The following TUSC3 variants were observed in gnomAD, a reference collection of about 807,000 sequenced individuals.
TUSC3 encodes the protein dolichyl-diphosphooligosaccharide--protein glycosyltransferase subunit TUSC3.
A neutral mutation model predicts 44.8 loss-of-function variants in TUSC3; 45 were observed. That is an observed-to-expected ratio of 1.00 (90% CI 0.79 to 1.29). TUSC3 has a LOEUF of 1.29. TUSC3 is among the 50% of genes most tolerant of loss of function. The pLI, the probability that TUSC3 is intolerant of heterozygous loss-of-function variation, is 0.00. For missense variants in TUSC3, 519 were observed against 437.9 expected (o/e 1.19, Z -1.65); for synonymous variants, 212 against 152.9 (o/e 1.39, Z -2.85).
chr8:15,421,660 G>T (rs747938122), intron 1 of TUSC3, among the ~76,000 whole-genome samples: 1 of 152,046 alleles, frequency 6.6e-6, no homozygotes, highest in Non-Finnish European at 1.5e-5. Context: ...CCACTAATGG[G>T]ACAGTGGGAA....
At chr8:15,432,799 C>G (rs1799887437) in intron 1 of TUSC3, among the ~76,000 whole-genome samples, 2 of 151,618 alleles carry the variant, frequency 1.3e-5, no homozygotes, top group African/African-American at 2.4e-5. Flanking sequence ...GGTTAAAGTT[C>G]TGTTTTTTGC....
At chr8:15,694,850 G>A (rs1209844887) in intron 6 of TUSC3, among the ~76,000 whole-genome samples, 1 of 152,168 alleles carries the variant, frequency 6.6e-6, no homozygotes, top group Non-Finnish European at 1.5e-5. Context: ...AGTGGTGTCA[G>A]CCAAAATGCT....
chr8:15,740,088 T>G (rs1811125856), intron 7 of TUSC3, among the ~76,000 whole-genome samples: 1 of 152,102 alleles, frequency 6.6e-6, no homozygotes, highest in Non-Finnish European at 1.5e-5. Context: ...AAAACAATTT[T>G]ATAATAAAAA....
intron 1 of TUSC3, among the ~76,000 whole-genome samples, chr8:15,476,701 G>A (rs1369613818): frequency 1.3e-5 from 2 of 152,158 alleles, no homozygotes; most frequent in African/African-American, 4.8e-5. Flanking sequence ...CCCTCCACAG[G>A]GTGGGAGCAG....
intron 1 of TUSC3, among the ~76,000 whole-genome samples, chr8:15,478,452 A>T (rs537118986): frequency 6.6e-6 from 1 of 152,176 alleles, no homozygotes; most frequent in East Asian, 1.9e-4. Context: ...AAGAGGCCCC[A>T]ATGTGTGTTG....
chr8:15,725,145 A>AT (rs1180185460), intron 6 of TUSC3, among the ~76,000 whole-genome samples: 8 of 151,986 alleles, frequency 5.3e-5, no homozygotes, highest in African/African-American at 1.2e-4. Flanking sequence ...AGCATTTTTA[A>AT]TTTTTTTTAG....
At chr8:15,594,280 T>C (rs1803977027) in intron 1 of TUSC3, among the ~76,000 whole-genome samples, 1 of 152,246 alleles carries the variant, frequency 6.6e-6, no homozygotes, top group Admixed American at 6.5e-5. Flanking sequence ...TTTGGCTCTT[T>C]TTTATATCTG....
At chr8:15,549,274 A>C (rs1363252641) in intron 1 of TUSC3, among the ~76,000 whole-genome samples, 2 of 151,680 alleles carry the variant, frequency 1.3e-5, no homozygotes, top group African/African-American at 4.8e-5. Flanking sequence ...CCCGGATTCA[A>C]GTGATTCTCC....
chr8:15,584,417 C>G (rs62504231), intron 1 of TUSC3, among the ~76,000 whole-genome samples: 3 of 152,060 alleles, frequency 2.0e-5, no homozygotes, highest in East Asian at 1.9e-4. Context: ...GGTCATTGAT[C>G]ATGCATTAAA....
intron 3 of TUSC3, among the ~76,000 whole-genome samples, chr8:15,656,536 C>A (rs752058871): frequency 6.6e-6 from 1 of 152,140 alleles, no homozygotes; most frequent in East Asian, 1.9e-4. Flanking sequence ...ATTCCACGTC[C>A]CATCATCTGG....
chr8:15,600,162 T>G (rs1209249296), intron 1 of TUSC3, among the ~76,000 whole-genome samples: 2 of 151,794 alleles, frequency 1.3e-5, no homozygotes, highest in African/African-American at 4.8e-5. Context: ...TTATAAGCAT[T>G]TGTTTGTCCT....
chr8:15,681,100 C>T (rs745794865), intron 6 of TUSC3, among the ~76,000 whole-genome samples: 3 of 148,036 alleles, frequency 2.0e-5, no homozygotes, highest in Admixed American at 6.7e-5. Flanking sequence ...CTACATAGAA[C>T]GTGTTAGGGA....
intron 1 of TUSC3, among the ~76,000 whole-genome samples, chr8:15,475,356 C>G (rs1306378222): frequency 6.6e-6 from 1 of 152,152 alleles, no homozygotes; most frequent in Non-Finnish European, 1.5e-5. Context: ...TCCCTATCCC[C>G]TTTGTGTGAT....
chr8:15,543,065 A>C (rs1429087), intron 1 of TUSC3, among the ~76,000 whole-genome samples: 43,259 of 152,058 alleles, frequency 0.28, 6,870 homozygotes, highest in Admixed American at 0.36. Context: ...GAAACACGCT[A>C]TATTGGAAAG....
At chr8:15,665,224 G>C (rs1212394802) in intron 5 of TUSC3, among the ~76,000 whole-genome samples, 1 of 151,464 alleles carries the variant, frequency 6.6e-6, no homozygotes, top group East Asian at 1.9e-4. Flanking sequence ...AAACAGTAAT[G>C]AACCTTGTAA....
At chr8:15,671,406 T>C (rs1231257019) in intron 5 of TUSC3, among the ~76,000 whole-genome samples, 2 of 152,060 alleles carry the variant, frequency 1.3e-5, no homozygotes, top group Non-Finnish European at 2.9e-5. Flanking sequence ...ATATCAGTTG[T>C]TAACAACCAA....
At chr8:15,486,150 G>C (rs73534282) in intron 2 of TUSC3, among the ~76,000 whole-genome samples, 8,099 of 152,176 alleles carry the variant, frequency 0.053, 703 homozygotes, top group African/African-American at 0.18. Context: ...ATTAGCTACA[G>C]ACTTTGAAAG....
chr8:15,643,977 G>A (rs917690996), intron 2 of TUSC3, among the ~76,000 whole-genome samples: 2 of 152,104 alleles, frequency 1.3e-5, no homozygotes, highest in African/African-American at 4.8e-5. Flanking sequence ...ACATACAATG[G>A]TATTTTCATA....
intron 1 of TUSC3, among the ~76,000 whole-genome samples, chr8:15,431,397 C>A (rs1359943430): frequency 2.0e-5 from 3 of 151,554 alleles, no homozygotes; most frequent in Non-Finnish European, 4.4e-5. Context: ...AGTCTCACTT[C>A]CGTGTTTAAA....
Sources: allele counts gnomAD v4.1 joint callset (sites outside exome capture counted in the v4.1 genomes callset), GRCh38; gene constraint gnomAD v4.1.1; transcripts MANE v1.5; gene names NCBI Gene and HGNC (gene_info 2026-07-23, HGNC 2026-07-21).